Variants in ANPEP observed in about 807,000 individuals in gnomAD.
ANPEP encodes the protein aminopeptidase N.
A neutral mutation model predicts 114.6 loss-of-function variants in ANPEP; 70 were observed. That is an observed-to-expected ratio of 0.61 (90% CI 0.50 to 0.75). The LOEUF (loss-of-function observed/expected upper bound fraction) is 0.75, where lower values mean the gene tolerates loss of function less well. Ranked by LOEUF, ANPEP falls within the 30% of genes least tolerant of loss-of-function variation. ANPEP has a pLI of 0.00. For synonymous variants in ANPEP, 548 were observed against 522.3 expected, an observed-to-expected ratio of 1.05 and a Z score of -0.67; for missense variants, 1,184 against 1,259.5, an observed-to-expected ratio of 0.94 and a Z score of 0.91.
rs1327150085 is a variant in ANPEP, at chr15:89,785,219, CTGGAGACTT to C, written c.*121_*129del. 4 of 1,243,886 alleles carry C rather than the reference CTGGAGACTT, an allele frequency of 3.2e-6. No individual in the cohort carries two copies. The highest frequency in any genetic ancestry group is 4.5e-6 in the Non-Finnish European group (4 of 882,434). The allele number at this position is 1,243,886 out of a possible 1,614,324, so 77.1% of individuals were successfully genotyped here. ...GGCTCACAGGCAGAGAGAACGTGGG[CTGGAGACTT>C]TGTCCTTGAGGGGAGGACACTGGTG... On this transcript the variant is annotated 3_prime_UTR_variant, in exon 21 of 21. Transcript: ENST00000300060.
chr15:89,804,484 C>A lies in ANPEP; in HGVS notation c.1024+7G>T, dbSNP rs765297514. On this transcript the variant is annotated splice_region_variant and intron_variant, in intron 5 of 20. Transcript: ENST00000300060. ...CACTGCCTCCCTCCTCAAGGACCCC[C>A]ACTCACCTGATTTTGGGAGTGGGTA... 14 of 1,614,230 alleles carry A rather than the reference C, an allele frequency of 8.7e-6. No homozygotes were observed. The highest frequency in any genetic ancestry group is 1.1e-5 in the Non-Finnish European group (13 of 1,180,032).
rs139863277 is a variant in ANPEP at position 89,801,568 on chromosome 15, G to A, written c.1609C>T (p.Arg537Trp). The A allele has an allele frequency of 4.4e-5, 71 of 1,613,986 alleles. No individual in the cohort carries two copies. The highest frequency in any genetic ancestry group is 5.3e-5 in the Non-Finnish European group (62 of 1,179,964). The change falls in exon 11 of 21, where the codon CGG becomes TGG. Residue 537 changes from arginine (R) to tryptophan (W), a missense_variant. Physicochemically the swap from Arg to Trp is moderately radical, Grantham distance 101 (BLOSUM62 -3). Transcript: ENST00000300060. ...NRSIQLPTTVRDIMNRWTLQM... is the reference protein window; with the variant it reads ...NRSIQLPTTVWDIMNRWTLQM... The stretch of plus-strand genomic sequence containing the variant: ...AGGGTCCAGCGGTTCATGATGTCCC[G>A]CACGGTGGTGGGGAGTTGGATGGAC...
chr15:89,813,074 G>A (rs1473083952), intron 1 of ANPEP, among the ~76,000 whole-genome samples: 6 of 152,232 alleles, frequency 3.9e-5, no homozygotes, highest in African/African-American at 9.6e-5. Flanking sequence ...ACAGGCACCC[G>A]GGGTGAAGCC....
Position 89,803,843 on chromosome 15 carries a change from T to C in ANPEP, c.1293+46A>G. 6.2e-7 allele frequency: 1 copy of C among 1,613,120 alleles called. No individual in the cohort carries two copies. Among genetic ancestry groups the C allele is most frequent in the Non-Finnish European group, 8.5e-7 (1 of 1,179,368 alleles). ...ACTGGCCTGGTAGCGGTGGCCCAGG[T>C]CTCCCTCCATGCCCCCCGCACCAGA... On this transcript the variant is annotated intron_variant, in intron 7 of 20. Coordinates refer to ENST00000300060, the MANE Select transcript of ANPEP (RefSeq NM_001150.3). The surrounding 1 kb of genome is among the most constrained non-coding windows in gnomAD (Gnocchi z 4.2).
Position 89,790,523 on chromosome 15 carries a change from G to C in ANPEP, c.2688C>G (p.Phe896Leu). 1 of 1,614,044 alleles carries C rather than the reference G, an allele frequency of 6.2e-7. No homozygotes were observed. The highest frequency in any genetic ancestry group is 8.5e-7 in the Non-Finnish European group (1 of 1,179,950). Residue 896 changes from phenylalanine to leucine, a missense_variant, in exon 20 of 21, where the codon TTC (phenylalanine) becomes TTG (leucine). Transcript: ENST00000300060. The stretch of plus-strand genomic sequence containing the variant: ...CTGCCTGGATGAGGTTGGAGAAGGA[G>C]AACGAGCCACCACCATAACTGCAGG... The part of the protein sequence containing the change: ...KLFNDYGGGS[F>L]SFSNLIQAVT...
In ANPEP at chr15:89,785,074, T is replaced by C. The variant is rs1042499; in HGVS notation, c.*275A>G. The C allele has an allele frequency of 0.055, 22,277 of 406,066 alleles. 806 individuals carry two copies. Among genetic ancestry groups the C allele is most frequent in the Middle Eastern group, 0.12 (167 of 1,440 alleles). 25.2% of individuals were successfully genotyped at this position (406,066 alleles called of 1,614,324 possible). ...GCTCATCTGGCCCTGGAGCTGGGCT[T>C]CCCTGAGATCAGCCCCAGGGCACTG... On this transcript the variant is annotated 3_prime_UTR_variant, in exon 21 of 21. Transcript: ENST00000300060.
chr15:89,790,506 A>T lies in ANPEP; in HGVS notation c.2705T>A (p.Ile902Asn). ...GGGSFSFSNL[I>N]QAVTRRFSTE... is the part of the protein sequence containing the mutation. ...GGAGAATCGTCGTGTCACTGCCTGG[A>T]TGAGGTTGGAGAAGGAGAACGAGCC... The change falls in exon 20 of 21, where the codon ATC becomes AAC. Residue 902 changes from isoleucine to asparagine, a missense_variant. Transcript: ENST00000300060. 2 of 1,613,956 alleles carry T rather than the reference A, an allele frequency of 1.2e-6. No individual in the cohort carries two copies. Among genetic ancestry groups the T allele is most frequent in the Non-Finnish European group, 1.7e-6 (2 of 1,179,950 alleles).
intron 1 of ANPEP, among the ~76,000 whole-genome samples, chr15:89,811,769 G>A (rs957047255): frequency 6.6e-6 from 1 of 152,156 alleles, no homozygotes; most frequent in Admixed American, 6.5e-5. Context: ...TGTTGGGGTT[G>A]CTGGCCCTGC....
chr15:89,790,652 C>T, intron 19 of ANPEP, 111 bp from the exon 20 acceptor site: 2 of 975,400 alleles, frequency 2.1e-6, no homozygotes, highest in South Asian at 1.4e-5. Context: ...AATGACACGC[C>T]CTGGGAGACC....
rs1487903587 is a variant in ANPEP, at chr15:89,801,604, C to T, written c.1573G>A (p.Val525Met). The T allele has an allele frequency of 6.2e-7, 1 of 1,613,654 alleles. No individual in the cohort carries two copies. Among genetic ancestry groups the T allele is most frequent in the South Asian group, 1.1e-5 (1 of 91,058 alleles). Residue 525 changes from valine (V) to methionine (M), a missense_variant, in exon 11 of 21, where the codon GTG becomes ATG. Coordinates refer to ENST00000300060, the MANE Select transcript of ANPEP (RefSeq NM_001150.3). ...LNLWDHLQEA[V>M]NNRSIQLPTT... Reference sequence around the variant, plus strand: ...GGGAGTTGGATGGACCGGTTGTTCACAGCCTGTGGGTGGAGCGAGAGGGCG... The same window carrying T: ...GGGAGTTGGATGGACCGGTTGTTCATAGCCTGTGGGTGGAGCGAGAGGGCG...
intron 14 of ANPEP, 70 bp from the exon 15 acceptor site, chr15:89,797,792 C>A (rs1409470139): frequency 6.2e-7 from 1 of 1,601,838 alleles, no homozygotes. Context: ...GAACCCCAAC[C>A]CAGGCCCTCA....
rs1456248546 is a variant in ANPEP at position 89,797,730 on chromosome 15, T to G, written c.2010-8A>C. ...ACAGGGACCTTATGGGCACTGGGAATAAACAGAGGGGCCCAAGTAAAGCAC... is the reference window on the plus strand; with the variant it reads ...ACAGGGACCTTATGGGCACTGGGAAGAAACAGAGGGGCCCAAGTAAAGCAC... On this transcript the variant is annotated splice_polypyrimidine_tract_variant and splice_region_variant and intron_variant, in intron 14 of 20. Coordinates refer to ENST00000300060, the MANE Select transcript of ANPEP (RefSeq NM_001150.3). 6.2e-7 allele frequency: 1 copy of G among 1,613,708 alleles called. No homozygotes were observed. The highest frequency in any genetic ancestry group is 1.3e-5 in the African/African-American group (1 of 74,870).
intron 1 of ANPEP, among the ~76,000 whole-genome samples, chr15:89,812,757 G>C (rs576623480): frequency 6.6e-6 from 1 of 152,186 alleles, no homozygotes; most frequent in African/African-American, 2.4e-5. Context: ...GCACAGAAAG[G>C]TTAAGTGATT....
Position 89,799,676 on chromosome 15 carries a change from G to T in ANPEP, c.1820-117C>A, listed in dbSNP as rs540211160. 2.7e-6 allele frequency: 4 copies of T among 1,455,128 alleles called. No homozygotes were observed. In the South Asian group the frequency reaches 5.0e-5, roughly 18 times the overall value. The allele number at this position is 1,455,128 out of a possible 1,614,324, so 90.1% of individuals were successfully genotyped here. A position where few individuals can be genotyped will look rare whatever the true frequency, so the allele number is the denominator to read the frequency against. ...GCACCACCTCACCCTCAAGCTGCTGGGGAGACGCTAAGGGTGGGGAAGGAA... is the reference window on the plus strand; with the variant it reads ...GCACCACCTCACCCTCAAGCTGCTGTGGAGACGCTAAGGGTGGGGAAGGAA... On this transcript the variant is annotated intron_variant, in intron 12 of 20. Transcript: ENST00000300060. The surrounding 1 kb of genome is among the most constrained non-coding windows in gnomAD (Gnocchi z 4.2).
chr15:89,805,551 G>A, intron 2 of ANPEP, 88 bp from the exon 3 acceptor site: 1 of 1,529,014 alleles, frequency 6.5e-7, no homozygotes, highest in South Asian at 1.2e-5. Flanking sequence ...AGGGAAAGGG[G>A]TACATGGAAG....
In ANPEP at chr15:89,794,543, CAG is replaced by C. The variant is rs201652165; in HGVS notation, c.2158-1419_2158-1418del. Among the ~76,000 whole-genome samples the C allele has an allele frequency of 6.3e-3, 960 of 151,998 alleles. 11 individuals carry two copies. Among genetic ancestry groups the C allele is most frequent in the Non-Finnish European group, 8.7e-3 (591 of 67,960 alleles). ...ATTAAAGGGACAAGTCAGCAAGGGA[CAG>C]AGGGGAGGTAAGGACTGCAAACAGG... is the stretch of plus-strand genomic sequence containing the variant. On this transcript the variant is annotated intron_variant, in intron 15 of 20. Coordinates refer to ENST00000300060, the MANE Select transcript of ANPEP (RefSeq NM_001150.3).
At chr15:89,794,524 G>A (rs1968692245) in intron 15 of ANPEP, among the ~76,000 whole-genome samples, 1 of 151,914 alleles carries the variant, frequency 6.6e-6, no homozygotes, top group Non-Finnish European at 1.5e-5. Context: ...AAAAATTAAA[G>A]GGACAAGTCA....
In ANPEP at chr15:89,792,449, C is replaced by T. The variant is rs773997419; in HGVS notation, c.2360+3G>A. ...GCAGAGGAGGCGCAGGGGAGACACT[C>T]ACGGGTTATTATTGGGGTTCTCCAT... On this transcript the variant is annotated splice_donor_region_variant and intron_variant, in intron 17 of 20. Coordinates refer to ENST00000300060, the MANE Select transcript of ANPEP (RefSeq NM_001150.3). 1 of 1,614,030 alleles carries T rather than the reference C, an allele frequency of 6.2e-7. No individual in the cohort carries two copies. Among genetic ancestry groups the T allele is most frequent in the East Asian group, 2.2e-5 (1 of 44,878 alleles).
chr15:89,798,538 G>A (rs969052474), intron 14 of ANPEP, among the ~76,000 whole-genome samples: 5 of 151,830 alleles, frequency 3.3e-5, no homozygotes, highest in South Asian at 2.1e-4. Context: ...TCAGGAGGCC[G>A]AGAAGGGAGA....
Sources: allele counts gnomAD v4.1 joint callset (sites outside exome capture counted in the v4.1 genomes callset), GRCh38; gene constraint gnomAD v4.1.1; non-coding constraint Gnocchi (gnomAD v3.1); transcripts MANE v1.5; gene names NCBI Gene and HGNC (gene_info 2026-07-23, HGNC 2026-07-21).